The following PRKN variants were observed in gnomAD, a reference collection of about 807,000 sequenced individuals.
The protein encoded by PRKN is parkin RBR E3 ubiquitin protein ligase, also known as E3 ubiquitin-protein ligase parkin.
PRKN carries 56 observed loss-of-function variants against 59.5 expected under a neutral mutation model. The ratio of observed to expected loss-of-function variants is 0.94; its 90% CI spans 0.76 to 1.18. The LOEUF (loss-of-function observed/expected upper bound fraction) is 1.18, where lower values mean the gene tolerates loss of function less well. Among genes scored for constraint, PRKN ranks in the 50% most tolerant of loss-of-function variants. The probability of loss-of-function intolerance (pLI) is 0.00; values close to 1 mark genes in which losing one functional copy is unlikely to be tolerated. For missense variants in PRKN, 657 were observed against 596.4 expected, an observed-to-expected ratio of 1.10 and a Z score of -1.06; for synonymous variants, 250 against 222.1, an observed-to-expected ratio of 1.13 and a Z score of -1.12.
chr6:162,040,041 G>C (rs947930984), intron 5 of PRKN, among the ~76,000 whole-genome samples: 1 of 152,160 alleles, frequency 6.6e-6, no homozygotes, highest in Non-Finnish European at 1.5e-5. Flanking sequence ...CTTGACAACA[G>C]CTGAGGAGGT....
intron 7 of PRKN, among the ~76,000 whole-genome samples, chr6:161,736,442 C>G (rs185619221): frequency 1.3e-5 from 2 of 152,308 alleles, no homozygotes; most frequent in Admixed American, 1.3e-4. Context: ...TGTTCAGTGG[C>G]TAATCGGTTG....
intron 7 of PRKN, among the ~76,000 whole-genome samples, chr6:161,659,240 G>A (rs1784458812): frequency 6.6e-6 from 1 of 152,122 alleles, no homozygotes; most frequent in Non-Finnish European, 1.5e-5. Flanking sequence ...TGTATCCTGG[G>A]CACATAGAGC....
intron 3 of PRKN, among the ~76,000 whole-genome samples, chr6:162,203,703 G>A (rs1245370321): frequency 6.6e-6 from 1 of 152,116 alleles, no homozygotes; most frequent in Non-Finnish European, 1.5e-5. Flanking sequence ...AATGACCTGA[G>A]AAACCTTTCT....
At chr6:161,809,788 A>G (rs563576870) in intron 6 of PRKN, among the ~76,000 whole-genome samples, 1 of 152,304 alleles carries the variant, frequency 6.6e-6, no homozygotes, top group African/African-American at 2.4e-5. Flanking sequence ...ACAGAATGTA[A>G]GAATGTAGGT....
chr6:161,616,621 C>A (rs1782706481), intron 7 of PRKN, among the ~76,000 whole-genome samples: 1 of 152,034 alleles, frequency 6.6e-6, no homozygotes, highest in African/African-American at 2.4e-5. Context: ...TCCATATGTT[C>A]TCACTGTTCA....
chr6:161,850,594 A>AAAAAAAAT, intron 6 of PRKN, among the ~76,000 whole-genome samples: 1 of 150,746 alleles, frequency 6.6e-6, no homozygotes, highest in African/African-American at 2.4e-5. Flanking sequence ...AAAAAAAAAA[A>AAAAAAAAT]CTCTACAAAA....
At chr6:161,750,685 T>G (rs754489907) in intron 7 of PRKN, among the ~76,000 whole-genome samples, 7 of 151,342 alleles carry the variant, frequency 4.6e-5, no homozygotes, top group Admixed American at 6.6e-5. Context: ...GAGAATTGCT[T>G]GAACCCAGGA....
chr6:161,624,488 G>T (rs974728642), intron 7 of PRKN, among the ~76,000 whole-genome samples: 5 of 152,130 alleles, frequency 3.3e-5, no homozygotes, highest in African/African-American at 9.7e-5. Flanking sequence ...TCATGCTCTT[G>T]GTCCATTAAG....
At chr6:162,129,930 G>A (rs1781279336) in intron 4 of PRKN, among the ~76,000 whole-genome samples, 1 of 151,990 alleles carries the variant, frequency 6.6e-6, no homozygotes, top group East Asian at 1.9e-4. Flanking sequence ...TACGAAAATA[G>A]GAAATAATAT....
intron 2 of PRKN, among the ~76,000 whole-genome samples, chr6:162,357,545 G>A (rs1163867213): frequency 2.6e-5 from 4 of 152,180 alleles, no homozygotes; most frequent in African/African-American, 9.6e-5. Flanking sequence ...TGGTGGGAAT[G>A]CAAAACGTTA....
chr6:161,839,493 A>G (rs1583230625), intron 6 of PRKN, among the ~76,000 whole-genome samples: 1 of 152,224 alleles, frequency 6.6e-6, no homozygotes, highest in East Asian at 1.9e-4. Context: ...ACAGCACTGC[A>G]TCCTCGCAGC....
At chr6:161,739,166 G>A (rs1456656732) in intron 7 of PRKN, among the ~76,000 whole-genome samples, 2 of 152,126 alleles carry the variant, frequency 1.3e-5, no homozygotes, top group Non-Finnish European at 2.9e-5. Context: ...CCAGCACTTG[G>A]GGAGGCCAAG....
chr6:162,209,611 C>T (rs1351894394), intron 3 of PRKN, among the ~76,000 whole-genome samples: 1 of 152,078 alleles, frequency 6.6e-6, no homozygotes, highest in Non-Finnish European at 1.5e-5. Context: ...TGGGTATATA[C>T]ACCCAAAGGA....
intron 1 of PRKN, among the ~76,000 whole-genome samples, chr6:162,632,477 A>G (rs1339306751): frequency 6.6e-6 from 1 of 152,142 alleles, no homozygotes; most frequent in Non-Finnish European, 1.5e-5. Context: ...GGACATAACA[A>G]TGGACACTGG....
chr6:162,139,890 CAA>C (rs35011084), intron 4 of PRKN, among the ~76,000 whole-genome samples: 43 of 137,854 alleles, frequency 3.1e-4, no homozygotes, highest in South Asian at 4.7e-4. Flanking sequence ...GACTCCATCT[CAA>C]AAAAAAAAAA....
At chr6:162,427,644 G>GTTTTTTTTTTTTTTTTT (rs1219394770) in intron 2 of PRKN, among the ~76,000 whole-genome samples, 3 of 144,208 alleles carry the variant, frequency 2.1e-5, no homozygotes, top group Non-Finnish European at 1.5e-5. Context: ...GTAAATAAAT[G>GTTTTTTTTTTTTTTTTT]TTTTTTTTTC....
chr6:161,380,837 A>G (rs1785943474), intron 10 of PRKN, among the ~76,000 whole-genome samples: 1 of 152,202 alleles, frequency 6.6e-6, no homozygotes, highest in Non-Finnish European at 1.5e-5. Flanking sequence ...ACAAAATCAC[A>G]CTGGAAGGCC....
intron 5 of PRKN, among the ~76,000 whole-genome samples, chr6:161,999,513 C>T (rs150346934): frequency 2.2e-4 from 33 of 152,230 alleles, no homozygotes; most frequent in African/African-American, 7.2e-4. Flanking sequence ...TTTCATGGCA[C>T]GTCCATTTAT....
intron 9 of PRKN, among the ~76,000 whole-genome samples, chr6:161,514,417 A>C (rs1237397161): frequency 2.0e-5 from 3 of 151,984 alleles, no homozygotes; most frequent in Non-Finnish European, 4.4e-5. Flanking sequence ...TTTGGGGGTA[A>C]AGTTTTATTT....
Sources: allele counts gnomAD v4.1 joint callset (sites outside exome capture counted in the v4.1 genomes callset), GRCh38; gene constraint gnomAD v4.1.1; transcripts MANE v1.5; gene names NCBI Gene and HGNC (gene_info 2026-07-23, HGNC 2026-07-21).